Variants in CRAMP1 observed in about 807,000 individuals in gnomAD.
CRAMP1 encodes the protein cramped chromatin regulator 1, also known as protein cramped-like.
A neutral mutation model predicts 115.4 loss-of-function variants in CRAMP1; 50 were observed. That is an observed-to-expected ratio of 0.43 (90% CI 0.35 to 0.55). CRAMP1 has a LOEUF of 0.55. Among genes scored for constraint, CRAMP1 ranks in the 20% least tolerant of loss-of-function variants. The pLI is 0.01. For synonymous variants in CRAMP1, 866 were observed against 745.4 expected, an observed-to-expected ratio of 1.16 and a Z score of -2.64; for missense variants, 1,679 against 1,721.7, an observed-to-expected ratio of 0.98 and a Z score of 0.44.
intron 10 of CRAMP1, among the ~76,000 whole-genome samples, chr16:1,657,769 A>C (rs2036788801): frequency 6.6e-6 from 1 of 152,182 alleles, no homozygotes; most frequent in East Asian, 1.9e-4. Flanking sequence ...CACAGCCCCA[A>C]GTCCGATAGG....
Position 1,659,918 on chromosome 16 carries a change from A to C in CRAMP1, c.2268A>C (p.Ser756=). The C allele has an allele frequency of 1.9e-6, 3 of 1,613,142 alleles. No homozygotes were observed. Among genetic ancestry groups the C allele is most frequent in the Non-Finnish European group, 2.5e-6 (3 of 1,179,824 alleles). Residue 756 remains serine, a synonymous_variant, in exon 11 of 21, where the codon TCA becomes TCC. Coordinates refer to ENST00000397412, the MANE Select transcript of CRAMP1 (RefSeq NM_020825.4). ...AAGCAAACACCATCTCTACAGCCTC[A>C]GTAAGGCCCGCCCAGGAGGAGCAGT... ...ALEANTISTA[S]VRPAQEEQSM... is the part of the protein sequence containing the mutation.
chr16:1,625,074 C>G (rs1218073821), intron 2 of CRAMP1, among the ~76,000 whole-genome samples: 1 of 152,116 alleles, frequency 6.6e-6, no homozygotes, highest in Non-Finnish European at 1.5e-5. Context: ...GAAGGTTTCC[C>G]AGCTTTTTAT....
In CRAMP1 at chr16:1,656,599, C is replaced by T; in HGVS notation, c.1842C>T (p.Gly614=). The part of the protein sequence containing the change: ...SKEAADLAPT[G]PSPRPGPGLL... ...AGGCTGCTGACCTTGCTCCCACTGG[C>T]CCATCCCCGAGGCCCGGCCCCGGGC... Residue 614 remains glycine, a synonymous_variant, in exon 10 of 21, where the codon GGC becomes GGT. Coordinates refer to ENST00000397412, the MANE Select transcript of CRAMP1 (RefSeq NM_020825.4). This position sits in a 1 kb window ranked among gnomAD's most constrained non-coding sequence, Gnocchi z 5.6. 3 of 1,570,628 alleles carry T rather than the reference C, an allele frequency of 1.9e-6. No individual in the cohort carries two copies. Among genetic ancestry groups the T allele is most frequent in the Non-Finnish European group, 2.6e-6 (3 of 1,158,888 alleles).
chr16:1,664,868 T>A (rs1232453862), intron 13 of CRAMP1, among the ~76,000 whole-genome samples, 189 bp from the exon 14 acceptor site: 1 of 152,020 alleles, frequency 6.6e-6, no homozygotes, highest in East Asian at 1.9e-4. Flanking sequence ...AGAGAGGACC[T>A]AACTGGAGCT....
In CRAMP1 at chr16:1,640,519, G is replaced by C. The variant is rs568671304; in HGVS notation, c.779-620G>C. 8.5e-5 allele frequency among the ~76,000 whole-genome samples: 13 copies of C among 152,272 alleles called. No homozygotes were observed. The South Asian group carries it at 1.5e-3, about 17-fold the overall frequency. ...AGAAGAATTCAAAGAATTTTACAGT[G>C]AACAGCCAAGTACCCAGCACCTAGT... On this transcript the variant is annotated intron_variant, in intron 5 of 20. Transcript: ENST00000397412.
At chr16:1,654,936 G>GCACCCA (rs1175271230) in intron 8 of CRAMP1, among the ~76,000 whole-genome samples, 12 of 152,264 alleles carry the variant, frequency 7.9e-5, no homozygotes, top group Non-Finnish European at 1.5e-4. Flanking sequence ...CTGTGCGCCA[G>GCACCCA]CACCCACGCC....
At chr16:1,663,215 G>A (rs1256177770) in intron 13 of CRAMP1, among the ~76,000 whole-genome samples, 1 of 152,160 alleles carries the variant, frequency 6.6e-6, no homozygotes, top group Non-Finnish European at 1.5e-5. Context: ...AGGAGTCCCC[G>A]AGGATGCCGT....
At chr16:1,640,754 G>A (rs1596488008) in intron 5 of CRAMP1, among the ~76,000 whole-genome samples, 1 of 152,236 alleles carries the variant, frequency 6.6e-6, no homozygotes, top group African/African-American at 2.4e-5. Context: ...AGCAGGAAGT[G>A]TGCGTGGGCA....
intron 6 of CRAMP1, among the ~76,000 whole-genome samples, chr16:1,649,350 G>T (rs909546359): frequency 1.3e-5 from 2 of 152,186 alleles, no homozygotes; most frequent in African/African-American, 2.4e-5. Flanking sequence ...GTGGGTAGAG[G>T]CATGGTCAAT....
At chr16:1,670,472 C>T (rs191109548) in intron 19 of CRAMP1, 192 bp from the exon 20 acceptor site, 6 of 622,702 alleles carry the variant, frequency 9.6e-6, no homozygotes, top group African/African-American at 1.8e-5. Context: ...TCTGTATGCA[C>T]GAAGGCCTGT....
intron 2 of CRAMP1, among the ~76,000 whole-genome samples, chr16:1,619,917 G>A (rs942137062): frequency 6.6e-6 from 1 of 152,210 alleles, no homozygotes; most frequent in Admixed American, 6.5e-5. Context: ...GTGTGGACCA[G>A]ATCTTTAGAT....
At chr16:1,652,821 C>T (rs532780752) in intron 7 of CRAMP1, among the ~76,000 whole-genome samples, 8 of 152,220 alleles carry the variant, frequency 5.3e-5, no homozygotes, top group Non-Finnish European at 8.8e-5. Context: ...GATCGAGTCT[C>T]CTATGGCCTC....
At chr16:1,653,568 G>A (rs1174624400) in intron 8 of CRAMP1, among the ~76,000 whole-genome samples, 3 of 152,170 alleles carry the variant, frequency 2.0e-5, no homozygotes, top group African/African-American at 7.2e-5. Flanking sequence ...AGAGGCTCAC[G>A]CCTATAATCC....
chr16:1,668,055 C>T lies in CRAMP1; in HGVS notation c.3196C>T (p.Arg1066Trp). The T allele has an allele frequency of 6.2e-7, 1 of 1,613,886 alleles. No homozygotes were observed. Among genetic ancestry groups the T allele is most frequent in the Non-Finnish European group, 8.5e-7 (1 of 1,179,856 alleles). ...PLSSSESSSTRLSPPDVSALL... is the reference protein window; with the variant it reads ...PLSSSESSSTWLSPPDVSALL... Reference sequence around the variant, plus strand: ...GTCCTCGTCAGAGAGCTCCAGCACCCGGCTGTCTCCACCAGACGTCTCTGC... The same window carrying T: ...GTCCTCGTCAGAGAGCTCCAGCACCTGGCTGTCTCCACCAGACGTCTCTGC... Residue 1066 changes from arginine (R) to tryptophan (W), a missense_variant, in exon 18 of 21, where the codon CGG (arginine) becomes TGG (tryptophan). This residue lies in a region of CRAMP1 where 709 missense variants were observed against 741.9 expected (regional missense o/e 0.96). Transcript: ENST00000397412.
intron 3 of CRAMP1, among the ~76,000 whole-genome samples, 165 bp downstream of exon 3, chr16:1,626,331 C>G (rs1048813258): frequency 6.6e-5 from 10 of 152,222 alleles, no homozygotes; most frequent in Admixed American, 4.6e-4. Context: ...GCCCACTGAC[C>G]TTGGCTGTTT....
At position 1,676,548 on chromosome 16, in the gene CRAMP1, A is replaced by G. The variant is rs2036970002; in HGVS notation, c.*2503A>G. 6.6e-6 allele frequency: 1 copy of G among 152,220 alleles called. No individual in the cohort carries two copies. The highest frequency in any genetic ancestry group is 6.5e-5 in the Admixed American group (1 of 15,286). 9.4% of individuals were successfully genotyped at this position (152,220 alleles called of 1,614,324 possible). A position where few individuals can be genotyped will look rare whatever the true frequency, so the allele number is the denominator to read the frequency against. On this transcript the variant is annotated 3_prime_UTR_variant, in exon 21 of 21. Coordinates refer to ENST00000397412, the MANE Select transcript of CRAMP1 (RefSeq NM_020825.4). ...ACTTCCTGCATCTTCTGCCTTTCCAACAGAAGCGGTGATCGTCTAAGTATG... is the reference window on the plus strand; with the variant it reads ...ACTTCCTGCATCTTCTGCCTTTCCAGCAGAAGCGGTGATCGTCTAAGTATG...
rs908383560 is a variant in CRAMP1, at chr16:1,671,654, C to G, written c.3645+845C>G. Among the ~76,000 whole-genome samples the G allele has an allele frequency of 6.6e-6, 1 of 152,148 alleles. No homozygotes were observed. Among genetic ancestry groups the G allele is most frequent in the Non-Finnish European group, 1.5e-5 (1 of 68,024 alleles). On this transcript the variant is annotated intron_variant, in intron 20 of 20. Coordinates refer to ENST00000397412, the MANE Select transcript of CRAMP1 (RefSeq NM_020825.4). The surrounding 1 kb of genome is among the most constrained non-coding windows in gnomAD (Gnocchi z 5.0). ...GTGAAAGTCCTGGAGCAGCATTCCC[C>G]GAATCTAGTCCCCACAATGTTGAGA...
At chr16:1,638,472 T>A (rs765212757) in intron 5 of CRAMP1, among the ~76,000 whole-genome samples, 4 of 152,204 alleles carry the variant, frequency 2.6e-5, no homozygotes, top group Non-Finnish European at 5.9e-5. Flanking sequence ...CGCTCAGGCC[T>A]TCCTCACGCA....
intron 2 of CRAMP1, among the ~76,000 whole-genome samples, chr16:1,620,376 A>G (rs1275463163): frequency 6.6e-6 from 1 of 152,166 alleles, no homozygotes; most frequent in Admixed American, 6.5e-5. Flanking sequence ...ATGCCCTTCC[A>G]CGAGCGGGTG....
Sources: gnomAD v4.1 joint callset for allele counts (sites outside exome capture counted in the v4.1 genomes callset) on GRCh38, gnomAD v4.1.1 for gene constraint, gnomAD v4.1.1 regional missense constraint, Gnocchi (gnomAD v3.1) non-coding constraint, MANE v1.5 for transcripts, NCBI Gene and HGNC (gene_info 2026-07-23, HGNC 2026-07-21) for gene names.